COX10: variants seen among roughly 807,000 people sequenced by gnomAD.
The protein encoded by COX10 is cytochrome c oxidase assembly factor heme A:farnesyltransferase COX10, also known as protoheme IX farnesyltransferase, mitochondrial.
A neutral mutation model predicts 37.3 loss-of-function variants in COX10; 27 were observed. The ratio of observed to expected loss-of-function variants is 0.72; its 90% confidence interval spans 0.53 to 1.00. COX10 has a LOEUF of 1.00. Ranked by LOEUF, COX10 falls within the 50% of genes least tolerant of loss-of-function variation. The probability of loss-of-function intolerance (pLI) is 0.00; values close to 1 mark genes in which losing one functional copy is unlikely to be tolerated. For synonymous variants in COX10, 222 were observed against 229.1 expected (o/e 0.97, Z 0.28); for missense variants, 475 against 563.2 (o/e 0.84, Z 1.59).
chr17:14,071,101 C>T (rs1207927277), intron 1 of COX10, among the ~76,000 whole-genome samples: 1 of 152,144 alleles, frequency 6.6e-6, no homozygotes, highest in Non-Finnish European at 1.5e-5. Context: ...TGTGAATGTT[C>T]TTTGATCCTG....
intron 3 of COX10, among the ~76,000 whole-genome samples, chr17:14,090,756 G>C (rs1239953791): frequency 1.3e-5 from 2 of 152,066 alleles, no homozygotes; most frequent in East Asian, 3.9e-4. Flanking sequence ...TGGGTTTGGA[G>C]GTCCTTCTAT....
chr17:14,124,782 T>C (rs981078377), intron 4 of COX10, among the ~76,000 whole-genome samples: 1 of 152,172 alleles, frequency 6.6e-6, no homozygotes, highest in African/African-American at 2.4e-5. Context: ...TTCCTTCCCC[T>C]ATAAGATGGA....
At chr17:14,198,112 A>C (rs959537318) in intron 6 of COX10, among the ~76,000 whole-genome samples, 1 of 152,202 alleles carries the variant, frequency 6.6e-6, no homozygotes, top group Non-Finnish European at 1.5e-5. Flanking sequence ...TTGTTGTCAC[A>C]GGAACTGCCG....
intron 3 of COX10, chr17:14,077,362 G>T: frequency 2.8e-6 from 1 of 355,454 alleles, no homozygotes; most frequent in South Asian, 2.6e-5. Flanking sequence ...CTGTAAAAAT[G>T]CATAAGATAA....
intron 4 of COX10, among the ~76,000 whole-genome samples, chr17:14,117,912 T>G (rs2142210655): frequency 6.6e-6 from 1 of 152,096 alleles, no homozygotes; most frequent in East Asian, 1.9e-4. Flanking sequence ...TGGAGGTAGC[T>G]GTCAGTGAGA....
chr17:14,134,880 T>A lies in COX10; in HGVS notation c.625-24997T>A, dbSNP rs368987626. ...GATTGCATGTAGCCTTTACCTACTT[T>A]CCCACACTGGTAACGTTGCAGAACT... is the stretch of plus-strand genomic sequence containing the variant. On this transcript the variant is annotated intron_variant, in intron 4 of 6. Transcript: ENST00000261643. Among the ~76,000 whole-genome samples the A allele has an allele frequency of 4.0e-5, 6 of 151,860 alleles. No individual in the cohort carries two copies. The South Asian group carries it at 1.2e-3, about 32-fold the overall frequency.
rs1433115202 is a variant in COX10 at position 14,156,156 on chromosome 17, ATAT to A, written c.625-3713_625-3711del. On this transcript the variant is annotated intron_variant, in intron 4 of 6. Coordinates refer to ENST00000261643, the MANE Select transcript of COX10 (RefSeq NM_001303.4). ...ATCCTTACATCACCTGACAAGTGAT[ATAT>A]TATTATTTTTGGTTTGCAGATGAAG... Among the ~76,000 whole-genome samples, 9 of 152,292 alleles carry A rather than the reference ATAT, an allele frequency of 5.9e-5. No individual in the cohort carries two copies. The East Asian group carries it at 1.7e-3, about 29-fold the overall frequency.
intron 3 of COX10, among the ~76,000 whole-genome samples, chr17:14,092,740 G>A (rs1915556523): frequency 6.6e-6 from 1 of 152,052 alleles, no homozygotes; most frequent in Admixed American, 6.6e-5. Flanking sequence ...AGCTTAAGGT[G>A]CTAATAAAAA....
chr17:14,136,151 G>T (rs1049700714), intron 4 of COX10, among the ~76,000 whole-genome samples: 21 of 151,994 alleles, frequency 1.4e-4, no homozygotes, highest in Admixed American at 1.2e-3. Flanking sequence ...CATTGGGAAA[G>T]AGATGAAATA....
At chr17:14,092,148 TCTCA>T (rs974317452) in intron 3 of COX10, among the ~76,000 whole-genome samples, 2 of 152,174 alleles carry the variant, frequency 1.3e-5, no homozygotes, top group African/African-American at 4.8e-5. Flanking sequence ...AAGCTTAGGA[TCTCA>T]CTCAGTGTTA....
Position 14,076,411 on chromosome 17 carries a change from G to A in COX10, c.178-324G>A, listed in dbSNP as rs921597834. ...TATTGAAAACTTTTTTATTGTATTT[G>A]GAATGTTAAGCCTCCAGGGAAAATT... On this transcript the variant is annotated intron_variant, in intron 2 of 6. Coordinates refer to ENST00000261643, the MANE Select transcript of COX10 (RefSeq NM_001303.4). Among the ~76,000 whole-genome samples the A allele has an allele frequency of 4.0e-5, 6 of 151,074 alleles. No individual in the cohort carries two copies. In the East Asian group the frequency reaches 1.2e-3, roughly 29 times the overall value.
chr17:14,087,278 CT>C (rs904240459), intron 3 of COX10, among the ~76,000 whole-genome samples: 3 of 152,050 alleles, frequency 2.0e-5, no homozygotes, highest in African/African-American at 7.2e-5. Flanking sequence ...TTCCATGCTA[CT>C]TTTTTTTCTT....
At chr17:14,157,074 T>C (rs1017155157) in intron 4 of COX10, among the ~76,000 whole-genome samples, 44 of 152,212 alleles carry the variant, frequency 2.9e-4, no homozygotes, top group African/African-American at 9.7e-4. Context: ...CACTGAAATT[T>C]TACTTTCATA....
chr17:14,194,511 C>T (rs1906305148), intron 6 of COX10, among the ~76,000 whole-genome samples: 1 of 152,182 alleles, frequency 6.6e-6, no homozygotes, highest in Admixed American at 6.5e-5. Context: ...ACTGCAACCT[C>T]CGCTTCCTGG....
intron 4 of COX10, among the ~76,000 whole-genome samples, chr17:14,126,597 G>A (rs1916346725): frequency 1.3e-5 from 2 of 152,196 alleles, no homozygotes; most frequent in Admixed American, 6.5e-5. Flanking sequence ...AACTGTGTGT[G>A]TTTTATGGTG....
intron 4 of COX10, among the ~76,000 whole-genome samples, chr17:14,155,573 A>G (rs945203992): frequency 6.6e-6 from 1 of 151,662 alleles, no homozygotes; most frequent in African/African-American, 2.4e-5. Context: ...AAATTAGCCG[A>G]GTGTGGTGGT....
chr17:14,166,980 C>T (rs1471434731), intron 5 of COX10, among the ~76,000 whole-genome samples: 2 of 151,696 alleles, frequency 1.3e-5, no homozygotes, highest in East Asian at 3.9e-4. Flanking sequence ...ATCGTGATTC[C>T]TCTGATGGAT....
chr17:14,115,299 G>A (rs939081850), intron 4 of COX10, among the ~76,000 whole-genome samples: 7 of 152,118 alleles, frequency 4.6e-5, no homozygotes, highest in African/African-American at 1.7e-4. Context: ...ATTAGTCATT[G>A]AGCTTATAAT....
chr17:14,128,894 G>T (rs1224891739), intron 4 of COX10, among the ~76,000 whole-genome samples: 4 of 152,136 alleles, frequency 2.6e-5, no homozygotes, highest in African/African-American at 9.7e-5. Flanking sequence ...GCGCCCAGGC[G>T]AGAGTGCAGT....
Sources: allele counts gnomAD v4.1 joint callset (sites outside exome capture counted in the v4.1 genomes callset), GRCh38; gene constraint gnomAD v4.1.1; transcripts MANE v1.5; gene names NCBI Gene and HGNC (gene_info 2026-07-23, HGNC 2026-07-21).